PPIL6: variants seen among roughly 807,000 people sequenced by gnomAD.
The protein encoded by PPIL6 is peptidylprolyl isomerase like 6.
A neutral mutation model predicts 36.8 loss-of-function variants in PPIL6; 39 were observed. The ratio of observed to expected loss-of-function variants is 1.06; its 90% CI spans 0.82 to 1.38. PPIL6 has a LOEUF of 1.38. PPIL6 is among the 40% of genes most tolerant of loss of function. The pLI, the probability that PPIL6 is intolerant of heterozygous loss-of-function variation, is 0.00. For missense variants in PPIL6, 368 were observed against 379.1 expected (o/e 0.97, Z 0.24); for synonymous variants, 123 against 134.1 (o/e 0.92, Z 0.57).
intron 7 of PPIL6, among the ~76,000 whole-genome samples, chr6:109,399,484 CA>C (rs1364577897): frequency 6.6e-6 from 1 of 152,136 alleles, no homozygotes; most frequent in Non-Finnish European, 1.5e-5. Context: ...TGGCTCACTG[CA>C]ACCACCTCCC....
chr6:109,404,559 C>T (rs1220607738), intron 6 of PPIL6, among the ~76,000 whole-genome samples: 1 of 152,232 alleles, frequency 6.6e-6, no homozygotes, highest in African/African-American at 2.4e-5. Context: ...AAAACTACTA[C>T]AAGCCTTCCG....
intron 2 of PPIL6, among the ~76,000 whole-genome samples, chr6:109,435,266 T>A (rs925822518): frequency 6.6e-6 from 1 of 152,002 alleles, no homozygotes; most frequent in African/African-American, 2.4e-5. Context: ...TATCTCATGC[T>A]TTCCAAAGGA....
At chr6:109,427,612 C>G (rs1308595130) in intron 3 of PPIL6, among the ~76,000 whole-genome samples, 2 of 152,132 alleles carry the variant, frequency 1.3e-5, no homozygotes, top group African/African-American at 4.8e-5. Flanking sequence ...GTCTCGAACT[C>G]CTGAGCTCAA....
At chr6:109,417,059 A>C (rs528018436) in intron 6 of PPIL6, among the ~76,000 whole-genome samples, 1 of 151,774 alleles carries the variant, frequency 6.6e-6, no homozygotes, top group Non-Finnish European at 1.5e-5. Context: ...AGTCCTAGTT[A>C]CCTGGGAGGT....
chr6:109,438,106 G>C (rs1233626824), intron 1 of PPIL6, among the ~76,000 whole-genome samples: 1 of 151,956 alleles, frequency 6.6e-6, no homozygotes, highest in Non-Finnish European at 1.5e-5. Context: ...TTATGGGGTA[G>C]TGATGTCTCA....
chr6:109,395,538 G>A (rs115964399), intron 7 of PPIL6, among the ~76,000 whole-genome samples: 2,793 of 151,676 alleles, frequency 0.018, 82 homozygotes, highest in African/African-American at 0.065. Context: ...CATTTCCATC[G>A]TCACAGAGAG....
At chr6:109,415,065 A>G (rs989566764) in intron 6 of PPIL6, among the ~76,000 whole-genome samples, 1 of 152,156 alleles carries the variant, frequency 6.6e-6, no homozygotes, top group Non-Finnish European at 1.5e-5. Flanking sequence ...TAGGCTGAGG[A>G]GGAGGAAGAG....
In PPIL6 at chr6:109,405,615, A is replaced by C. The variant is rs974003184; in HGVS notation, c.689-5445T>G. Among the ~76,000 whole-genome samples the C allele has an allele frequency of 3.0e-4, 45 of 152,192 alleles. 1 individual carries two copies. Among genetic ancestry groups the C allele is most frequent in the Admixed American group, 2.7e-3 (41 of 15,278 alleles). On this transcript the variant is annotated intron_variant, in intron 6 of 7. Coordinates refer to ENST00000521072, the MANE Select transcript of PPIL6 (RefSeq NM_173672.5). ...GGATATATTAGGGAAAGCCTTGTAC[A>C]TTATGGATTTCGCCCCCACTTACAT...
intron 6 of PPIL6, chr6:109,403,038 T>A (rs1159137145): frequency 2.0e-6 from 3 of 1,530,460 alleles, no homozygotes; most frequent in Middle Eastern, 1.7e-4. Context: ...CACCTCGGTA[T>A]TTCTCGATCT....
chr6:109,396,907 T>C (rs1219043716), intron 7 of PPIL6, among the ~76,000 whole-genome samples: 1 of 151,848 alleles, frequency 6.6e-6, no homozygotes, highest in Non-Finnish European at 1.5e-5. Context: ...GAGAGGAATA[T>C]TCTTTATCTC....
At chr6:109,417,831 AGCC>A (rs1248391788) in intron 6 of PPIL6, among the ~76,000 whole-genome samples, 1 of 152,228 alleles carries the variant, frequency 6.6e-6, no homozygotes, top group Non-Finnish European at 1.5e-5. Flanking sequence ...TGATCGCTAT[AGCC>A]AAGGATAATC....
chr6:109,429,159 C>G (rs1773987562), intron 3 of PPIL6, among the ~76,000 whole-genome samples: 1 of 152,216 alleles, frequency 6.6e-6, no homozygotes, highest in South Asian at 2.1e-4. Flanking sequence ...TCTATTGTCT[C>G]TGGAACGCTT....
intron 4 of PPIL6, 40 bp downstream of exon 4, chr6:109,427,054 A>T (rs1392015998): frequency 6.3e-7 from 1 of 1,597,204 alleles, no homozygotes; most frequent in Non-Finnish European, 8.6e-7. Flanking sequence ...ACAGTTATAG[A>T]TCCTACCCCC....
chr6:109,393,372 C>G (rs760539174), intron 7 of PPIL6, among the ~76,000 whole-genome samples: 48 of 152,048 alleles, frequency 3.2e-4, no homozygotes, highest in Non-Finnish European at 5.0e-4. Flanking sequence ...GTGTGTGCCA[C>G]TAGGCCTGGC....
At chr6:109,394,399 C>A (rs9487083) in intron 7 of PPIL6, among the ~76,000 whole-genome samples, 9,404 of 146,910 alleles carry the variant, frequency 0.064, 362 homozygotes, top group South Asian at 0.14. Context: ...AAAAGCCATG[C>A]TAGTTTACAT....
intron 1 of PPIL6, among the ~76,000 whole-genome samples, chr6:109,439,729 G>A (rs1262639112): frequency 6.6e-6 from 1 of 152,212 alleles, no homozygotes; most frequent in East Asian, 1.9e-4. Context: ...GGAGTCAAGT[G>A]AGCTTCGGCG....
chr6:109,441,104 C>T (rs1177540103), upstream of PPIL6: 2 of 1,614,090 alleles, frequency 1.2e-6, no homozygotes, highest in African/African-American at 1.3e-5. Context: ...CGCCTAGCGC[C>T]CCTGGAGCTC....
intron 7 of PPIL6, among the ~76,000 whole-genome samples, chr6:109,396,705 A>G (rs1191068019): frequency 6.6e-6 from 1 of 151,216 alleles, no homozygotes; most frequent in Non-Finnish European, 1.5e-5. Context: ...CCCTTCTACA[A>G]TGGGTGCACG....
At chr6:109,402,176 T>G (rs1469579061) in intron 6 of PPIL6, among the ~76,000 whole-genome samples, 1 of 152,214 alleles carries the variant, frequency 6.6e-6, no homozygotes, top group Non-Finnish European at 1.5e-5. Flanking sequence ...TTTAAAGCAG[T>G]TAATCATAAT....
Sources: allele counts gnomAD v4.1 joint callset (sites outside exome capture counted in the v4.1 genomes callset), GRCh38; gene constraint gnomAD v4.1.1; transcripts MANE v1.5; gene names NCBI Gene and HGNC (gene_info 2026-07-23, HGNC 2026-07-21).